The following KCNIP4 variants were observed in gnomAD, a reference collection of about 807,000 sequenced individuals.
KCNIP4 encodes potassium voltage-gated channel interacting protein 4, also known as Kv channel-interacting protein 4.
KCNIP4 carries 12 observed loss-of-function variants against 34.0 expected under a neutral mutation model. That is an observed-to-expected ratio of 0.35 (90% CI 0.23 to 0.57). The LOEUF (loss-of-function observed/expected upper bound fraction) is 0.57. KCNIP4 is among the 20% of genes least tolerant of loss of function. The probability of loss-of-function intolerance (pLI) is 0.83; values close to 1 mark genes in which losing one functional copy is unlikely to be tolerated. For missense variants in KCNIP4, 238 were observed against 311.7 expected (o/e 0.76, Z 1.78); for synonymous variants, 124 against 102.2 (o/e 1.21, Z -1.29).
At chr4:21,810,498 G>A (rs945260020) in intron 1 of KCNIP4, among the ~76,000 whole-genome samples, 4 of 151,954 alleles carry the variant, frequency 2.6e-5, no homozygotes, top group African/African-American at 4.8e-5. Context: ...AGACCATCCC[G>A]GCTAGCATGG....
chr4:21,151,406 ATTTTTTT>A (rs35983306), intron 1 of KCNIP4, among the ~76,000 whole-genome samples: 8 of 51,274 alleles, frequency 1.6e-4, no homozygotes, highest in Non-Finnish European at 3.4e-4. Flanking sequence ...ACAAAAGACA[ATTTTTTT>A]TTTTTTTTTT....
chr4:21,067,032 A>G (rs1744458660), intron 1 of KCNIP4, among the ~76,000 whole-genome samples: 1 of 152,144 alleles, frequency 6.6e-6, no homozygotes, highest in Admixed American at 6.5e-5. Flanking sequence ...GAACAAAAAG[A>G]ACTGTGTCTT....
intron 1 of KCNIP4, among the ~76,000 whole-genome samples, chr4:21,779,867 G>A (rs1405064712): frequency 6.6e-6 from 1 of 151,632 alleles, no homozygotes; most frequent in African/African-American, 2.4e-5. Context: ...AGAGTTCAAG[G>A]CTGCAGTGAG....
chr4:21,933,242 G>A (rs1215375178), intron 1 of KCNIP4, among the ~76,000 whole-genome samples: 1 of 151,940 alleles, frequency 6.6e-6, no homozygotes, highest in East Asian at 1.9e-4. Flanking sequence ...TTGTTCCCCT[G>A]CTTAAAACCT....
intron 1 of KCNIP4, among the ~76,000 whole-genome samples, chr4:21,091,325 C>T (rs1746976334): frequency 6.6e-6 from 1 of 152,010 alleles, no homozygotes; most frequent in Non-Finnish European, 1.5e-5. Context: ...AAGTTAAATG[C>T]TAATAAAAAA....
intron 3 of KCNIP4, among the ~76,000 whole-genome samples, chr4:20,773,111 T>A (rs1339910665): frequency 6.6e-6 from 1 of 152,056 alleles, no homozygotes; most frequent in African/African-American, 2.4e-5. Flanking sequence ...TAGTTATTAC[T>A]CTCAGTTGTA....
At chr4:21,441,484 C>T (rs1003412456) in intron 1 of KCNIP4, among the ~76,000 whole-genome samples, 7 of 152,048 alleles carry the variant, frequency 4.6e-5, no homozygotes, top group Admixed American at 4.6e-4. Flanking sequence ...TGTTCACTCA[C>T]AAGAGTCCTA....
intron 1 of KCNIP4, among the ~76,000 whole-genome samples, chr4:21,453,633 T>G (rs112869082): frequency 0.035 from 5,387 of 152,140 alleles, 118 homozygotes; most frequent in South Asian, 0.043. Context: ...GCTATGATTA[T>G]CCACATGACA....
At chr4:21,079,259 A>G (rs1187260144) in intron 1 of KCNIP4, among the ~76,000 whole-genome samples, 1 of 152,088 alleles carries the variant, frequency 6.6e-6, no homozygotes, top group African/African-American at 2.4e-5. Context: ...AAGTTTTTCA[A>G]TGTTTGAGCT....
intron 8 of KCNIP4, 149 bp from the exon 9 acceptor site, chr4:20,730,278 C>G (rs1747703544): frequency 1.0e-6 from 1 of 997,996 alleles, no homozygotes; most frequent in African/African-American, 1.7e-5. Context: ...ATGTAAATGC[C>G]ATTCTATTCT....
intron 1 of KCNIP4, among the ~76,000 whole-genome samples, chr4:21,145,569 G>A (rs1489414115): frequency 6.6e-6 from 1 of 152,178 alleles, no homozygotes; most frequent in Non-Finnish European, 1.5e-5. Context: ...GTGCAACAGA[G>A]TCCTCCAATA....
At chr4:21,314,737 T>A (rs1057335543) in intron 1 of KCNIP4, among the ~76,000 whole-genome samples, 5 of 152,128 alleles carry the variant, frequency 3.3e-5, no homozygotes, top group Non-Finnish European at 5.9e-5. Flanking sequence ...AAAATGCCAA[T>A]GCAAAACTCT....
At chr4:20,895,478 G>A (rs1182619473) in intron 1 of KCNIP4, among the ~76,000 whole-genome samples, 1 of 152,174 alleles carries the variant, frequency 6.6e-6, no homozygotes, top group Middle Eastern at 3.2e-3. Flanking sequence ...GATGAATGAA[G>A]TAATTGTTTC....
intron 1 of KCNIP4, among the ~76,000 whole-genome samples, chr4:21,567,468 T>C (rs1739995375): frequency 1.3e-5 from 2 of 152,000 alleles, no homozygotes; most frequent in African/African-American, 2.4e-5. Context: ...AACTCATGAA[T>C]AGACACAAGC....
At chr4:21,400,240 T>C (rs905575541) in intron 1 of KCNIP4, among the ~76,000 whole-genome samples, 7 of 152,124 alleles carry the variant, frequency 4.6e-5, no homozygotes, top group African/African-American at 1.7e-4. Flanking sequence ...AAGGTCCTAA[T>C]TGCCCTATTC....
rs190669566 is a variant in KCNIP4 at position 21,901,916 on chromosome 4, C to T, written c.61+46655G>A. On this transcript the variant is annotated intron_variant, in intron 1 of 8. Transcript: ENST00000382152. ...GATCCCATTGATCTGCCCAAAGACA[C>T]ACCTTCAAAAAGTGTCATGGAATTC... is the stretch of plus-strand genomic sequence containing the variant. Among the ~76,000 whole-genome samples the T allele has an allele frequency of 2.0e-5, 3 of 152,296 alleles. No individual in the cohort carries two copies. In the East Asian group the frequency reaches 5.8e-4, roughly 29 times the overall value.
At chr4:20,830,304 G>T (rs62410692) in intron 3 of KCNIP4, among the ~76,000 whole-genome samples, 1 of 152,250 alleles carries the variant, frequency 6.6e-6, no homozygotes, top group East Asian at 1.9e-4. Context: ...GAATCTAAAT[G>T]ACAAATGCCA....
At chr4:20,839,191 A>G (rs1465668290) in intron 3 of KCNIP4, among the ~76,000 whole-genome samples, 1 of 152,112 alleles carries the variant, frequency 6.6e-6, no homozygotes, top group Non-Finnish European at 1.5e-5. Context: ...TATATGTATA[A>G]TATTACCATT....
intron 1 of KCNIP4, among the ~76,000 whole-genome samples, chr4:21,654,997 CT>C (rs929427684): frequency 1.2e-4 from 19 of 152,008 alleles, no homozygotes; most frequent in Admixed American, 1.2e-3. Context: ...GCTCCTCATT[CT>C]TTTTTTCTTT....
Sources: allele counts gnomAD v4.1 joint callset (sites outside exome capture counted in the v4.1 genomes callset), GRCh38; gene constraint gnomAD v4.1.1; transcripts MANE v1.5; gene names NCBI Gene and HGNC (gene_info 2026-07-23, HGNC 2026-07-21).